EDN3: variants seen among roughly 807,000 people sequenced by gnomAD.
EDN3 encodes endothelin-3.
A neutral mutation model predicts 21.4 loss-of-function variants in EDN3; 9 were observed. The observed-to-expected ratio is 0.42, with a 90% CI of 0.25 to 0.73. EDN3 has a LOEUF of 0.73. Ranked by LOEUF, EDN3 falls within the 30% of genes least tolerant of loss-of-function variation. The probability of loss-of-function intolerance (pLI) is 0.26; values close to 1 mark genes in which losing one functional copy is unlikely to be tolerated. For synonymous variants in EDN3, 133 were observed against 126.2 expected (o/e 1.05, Z -0.36); for missense variants, 327 against 309.4 (o/e 1.06, Z -0.43).
intron 2 of EDN3, among the ~76,000 whole-genome samples, chr20:59,302,275 C>G (rs978672932): frequency 6.6e-6 from 1 of 152,146 alleles, no homozygotes; most frequent in African/African-American, 2.4e-5. Flanking sequence ...CCCTGGATGC[C>G]AAGGCAGGGT....
intron 2 of EDN3, among the ~76,000 whole-genome samples, chr20:59,316,800 T>C (rs1262188681): frequency 6.6e-6 from 1 of 152,218 alleles, no homozygotes; most frequent in African/African-American, 2.4e-5. Flanking sequence ...AAATAATGAA[T>C]GTTCTGAATA....
In EDN3 at chr20:59,300,717, T is replaced by C. The variant is rs1454995732; in HGVS notation, c.-96T>C. ...TCGGCCGGCCTCGAACCCCCACAGCTGGAGGGCGAGGCCAGCTGTACCCGG... is the reference window on the plus strand; with the variant it reads ...TCGGCCGGCCTCGAACCCCCACAGCCGGAGGGCGAGGCCAGCTGTACCCGG... On this transcript the variant is annotated 5_prime_UTR_variant, in exon 1 of 5. Coordinates refer to ENST00000337938, the MANE Select transcript of EDN3 (RefSeq NM_207034.3). 4 of 1,353,558 alleles carry C rather than the reference T, an allele frequency of 3.0e-6. No individual in the cohort carries two copies. Among genetic ancestry groups the C allele is most frequent in the Non-Finnish European group, 4.1e-6 (4 of 976,796 alleles). The allele number at this position is 1,353,558 out of a possible 1,614,324, so 83.8% of individuals were successfully genotyped here.
chr20:59,317,898 T>C (rs1439942191), intron 2 of EDN3, among the ~76,000 whole-genome samples: 1 of 152,188 alleles, frequency 6.6e-6, no homozygotes, highest in East Asian at 1.9e-4. Flanking sequence ...GTAAAAGACC[T>C]GCCCTCTCTT....
intron 2 of EDN3, among the ~76,000 whole-genome samples, chr20:59,312,996 G>A (rs1320875062): frequency 6.6e-6 from 1 of 152,160 alleles, no homozygotes; most frequent in Admixed American, 6.5e-5. Context: ...GTGCTGATGT[G>A]GCCTGCAGGA....
At chr20:59,308,467 T>C (rs1989576981) in intron 2 of EDN3, among the ~76,000 whole-genome samples, 1 of 152,146 alleles carries the variant, frequency 6.6e-6, no homozygotes, top group Non-Finnish European at 1.5e-5. Flanking sequence ...AATTGTCACG[T>C]GGAGGAGGAA....
chr20:59,318,583 C>T (rs1296966300), intron 2 of EDN3, among the ~76,000 whole-genome samples: 1 of 152,222 alleles, frequency 6.6e-6, no homozygotes, highest in Non-Finnish European at 1.5e-5. Context: ...GCAGACTGCA[C>T]ACCCGGAAGG....
intron 2 of EDN3, among the ~76,000 whole-genome samples, chr20:59,314,166 G>A (rs1990026375): frequency 6.6e-6 from 1 of 152,162 alleles, no homozygotes; most frequent in African/African-American, 2.4e-5. Context: ...ATTTCACAGT[G>A]CACACACTTG....
chr20:59,313,372 C>A (rs1021413606), intron 2 of EDN3, among the ~76,000 whole-genome samples: 2 of 152,158 alleles, frequency 1.3e-5, no homozygotes, highest in Non-Finnish European at 2.9e-5. Flanking sequence ...CTGGGCCAGA[C>A]ACCATCTCTT....
At chr20:59,324,292 C>A in intron 4 of EDN3, 39 bp from the exon 5 acceptor site, 2 of 1,613,806 alleles carry the variant, frequency 1.2e-6, no homozygotes, top group Non-Finnish European at 1.7e-6. Context: ...CATAACATAC[C>A]TTTCTTTTTT....
At chr20:59,323,614 G>GTA in intron 4 of EDN3, 1 of 399,658 alleles carries the variant, frequency 2.5e-6, no homozygotes. Context: ...TAGGAAGCGT[G>GTA]GGGTGGTTGC....
chr20:59,317,303 A>G (rs1249613427), intron 2 of EDN3, among the ~76,000 whole-genome samples: 1 of 152,188 alleles, frequency 6.6e-6, no homozygotes, highest in Admixed American at 6.5e-5. Flanking sequence ...TGGGCTCCTT[A>G]TTACCCTTCT....
At chr20:59,308,856 C>T (rs934396090) in intron 2 of EDN3, among the ~76,000 whole-genome samples, 1 of 152,146 alleles carries the variant, frequency 6.6e-6, no homozygotes, top group Non-Finnish European at 1.5e-5. Flanking sequence ...TGCTGGGGTC[C>T]ACCTCTTTGG....
chr20:59,325,392 C>G lies in EDN3; in HGVS notation c.*933C>G, dbSNP rs1990779648. On this transcript the variant is annotated 3_prime_UTR_variant, in exon 5 of 5. Transcript: ENST00000337938. ...CTTATACCGTCTGACAGTTCAAAAT[C>G]TCTTTCAGCTGCGCTCTTCCCACCG... The G allele has an allele frequency of 6.6e-6, 1 of 152,586 alleles. No homozygotes were observed. The highest frequency in any genetic ancestry group is 1.9e-4 in the East Asian group (1 of 5,192). The allele number at this position is 152,586 out of a possible 1,614,324, so 9.5% of individuals were successfully genotyped here.
chr20:59,304,738 G>A (rs1460677949), intron 2 of EDN3, among the ~76,000 whole-genome samples: 1 of 152,116 alleles, frequency 6.6e-6, no homozygotes, highest in Non-Finnish European at 1.5e-5. Context: ...AGGCTCAAGA[G>A]ACTAGTTGGT....
intron 2 of EDN3, among the ~76,000 whole-genome samples, chr20:59,304,017 TC>T (rs1156985211): frequency 6.6e-6 from 1 of 152,068 alleles, no homozygotes; most frequent in Non-Finnish European, 1.5e-5. Context: ...CCTCCTTCCC[TC>T]CCTTCCTGCC....
At chr20:59,302,004 G>T (rs1375740831) in intron 2 of EDN3, among the ~76,000 whole-genome samples, 1 of 152,160 alleles carries the variant, frequency 6.6e-6, no homozygotes, top group Non-Finnish European at 1.5e-5. Context: ...GAACTGACCA[G>T]GGGGATTAGA....
At position 59,322,272 on chromosome 20, in the gene EDN3, T is replaced by A; in HGVS notation, c.543-100T>A. The A allele has an allele frequency of 7.5e-7, 1 of 1,334,988 alleles. No homozygotes were observed. The highest frequency in any genetic ancestry group is 1.1e-6 in the Non-Finnish European group (1 of 929,236). 82.7% of individuals were successfully genotyped at this position (1,334,988 alleles called of 1,614,324 possible). ...ACGCAGTCCTTGGGGAACGCACTAA[T>A]GTGCTCATTGGTGGGGAAGAGGAAG... On this transcript the variant is annotated intron_variant, in intron 3 of 4. Coordinates refer to ENST00000337938, the MANE Select transcript of EDN3 (RefSeq NM_207034.3). This position sits in a 1 kb window ranked among gnomAD's most constrained non-coding sequence, Gnocchi z 4.1.
chr20:59,304,334 T>C (rs1479385898), intron 2 of EDN3, among the ~76,000 whole-genome samples: 1 of 152,192 alleles, frequency 6.6e-6, no homozygotes, highest in Non-Finnish European at 1.5e-5. Flanking sequence ...GTCTCCCCAT[T>C]AGATCACAAC....
intron 4 of EDN3, among the ~76,000 whole-genome samples, chr20:59,323,135 C>A (rs560032528): frequency 8.7e-4 from 132 of 152,222 alleles, no homozygotes; most frequent in Non-Finnish European, 1.6e-3. Context: ...GAAGATGAAA[C>A]CATGCTCAGT....
Sources: gnomAD v4.1 joint callset for allele counts (sites outside exome capture counted in the v4.1 genomes callset) on GRCh38, gnomAD v4.1.1 for gene constraint, Gnocchi (gnomAD v3.1) non-coding constraint, MANE v1.5 for transcripts, NCBI Gene and HGNC (gene_info 2026-07-23, HGNC 2026-07-21) for gene names.